The following GRM7 variants were observed in gnomAD, a reference collection of about 807,000 sequenced individuals.
GRM7 encodes metabotropic glutamate receptor 7.
Under a neutral mutation model 84.5 loss-of-function variants are expected in GRM7, and 35 were observed. The ratio of observed to expected loss-of-function variants is 0.41; its 90% CI spans 0.32 to 0.55. The LOEUF (loss-of-function observed/expected upper bound fraction) is 0.55. Ranked by LOEUF, GRM7 falls within the 20% of genes least tolerant of loss-of-function variation. The pLI, the probability that GRM7 is intolerant of heterozygous loss-of-function variation, is 0.19. For synonymous variants in GRM7, 487 were observed against 455.1 expected (o/e 1.07, Z -0.89); for missense variants, 1,003 against 1,194.6 (o/e 0.84, Z 2.36).
Position 7,680,038 on chromosome 3 carries a change from G to A in GRM7, c.2452-11G>A. ...TATTTGTAATAGTGCCTTGTGTGTT[G>A]TGTCTCCTAGCTCTACATACAAACT... On this transcript the variant is annotated splice_polypyrimidine_tract_variant and intron_variant, in intron 8 of 9. Transcript: ENST00000357716. The A allele has an allele frequency of 6.2e-7, 1 of 1,613,582 alleles. No individual in the cohort carries two copies. The highest frequency in any genetic ancestry group is 8.5e-7 in the Non-Finnish European group (1 of 1,179,604).
intron 8 of GRM7, chr3:7,591,506 T>C (rs1695780213): frequency 2.3e-6 from 1 of 441,764 alleles, no homozygotes; most frequent in African/African-American, 2.0e-5. Flanking sequence ...GAATAACTTT[T>C]CACCCAGTAG....
intron 1 of GRM7, among the ~76,000 whole-genome samples, chr3:7,042,793 T>A (rs977019470): frequency 4.6e-5 from 7 of 152,208 alleles, no homozygotes; most frequent in Non-Finnish European, 1.0e-4. Flanking sequence ...TCATTTCAAT[T>A]GATTTATTTT....
At chr3:7,004,350 G>C (rs1695113193) in intron 1 of GRM7, among the ~76,000 whole-genome samples, 1 of 152,070 alleles carries the variant, frequency 6.6e-6, no homozygotes, top group Non-Finnish European at 1.5e-5. Flanking sequence ...TACAAATGAG[G>C]TTTGGTGAAA....
intron 2 of GRM7, among the ~76,000 whole-genome samples, chr3:7,187,739 TG>T (rs1213481612): frequency 5.9e-5 from 9 of 152,168 alleles, no homozygotes; most frequent in African/African-American, 2.2e-4. Flanking sequence ...TTGGGGTCAT[TG>T]GGTCATTGAC....
chr3:6,981,789 A>G (rs1694216057), intron 1 of GRM7, among the ~76,000 whole-genome samples: 1 of 152,196 alleles, frequency 6.6e-6, no homozygotes, highest in Admixed American at 6.5e-5. Flanking sequence ...AGAACATCAA[A>G]AAAACAACAG....
At chr3:7,198,596 A>G (rs1358375509) in intron 2 of GRM7, among the ~76,000 whole-genome samples, 3 of 152,226 alleles carry the variant, frequency 2.0e-5, no homozygotes, top group African/African-American at 7.2e-5. Flanking sequence ...AGCCTAGCCT[A>G]TCTTAAACAT....
chr3:7,318,177 T>A (rs372637796), intron 4 of GRM7, among the ~76,000 whole-genome samples: 65 of 152,224 alleles, frequency 4.3e-4, no homozygotes, highest in African/African-American at 1.4e-3. Context: ...CTTTTTTCCT[T>A]TTTCAGGACA....
intron 1 of GRM7, among the ~76,000 whole-genome samples, chr3:6,945,876 T>G (rs1056976716): frequency 9.2e-5 from 14 of 152,250 alleles, no homozygotes; most frequent in African/African-American, 3.4e-4. Context: ...GAGAAGTGTC[T>G]GTTCATATCC....
chr3:7,229,765 T>A lies in GRM7; in HGVS notation c.737-68919T>A, dbSNP rs1423227130. Reference sequence around the variant, plus strand: ...TATATATATATATATATATATTTTTTTTTTTTTTTGGTTGACAGGTGTTGA... The same window carrying A: ...TATATATATATATATATATATTTTTATTTTTTTTTGGTTGACAGGTGTTGA... On this transcript the variant is annotated intron_variant, in intron 2 of 9. Coordinates refer to ENST00000357716, the MANE Select transcript of GRM7 (RefSeq NM_000844.4). Among the ~76,000 whole-genome samples the A allele has an allele frequency of 7.6e-3, 507 of 66,760 alleles. 2 individuals carry two copies. The highest frequency in any genetic ancestry group is 0.016 in the Middle Eastern group (2 of 124). 43.8% of individuals were successfully genotyped at this position (66,760 alleles called of 152,430 possible).
At chr3:7,450,090 G>A (rs1451611877) in intron 5 of GRM7, among the ~76,000 whole-genome samples, 1 of 146,842 alleles carries the variant, frequency 6.8e-6, no homozygotes, top group South Asian at 2.2e-4. Context: ...AATTTAAAAA[G>A]AGAAGAGAAT....
At chr3:7,603,215 C>A (rs1377563419) in intron 8 of GRM7, among the ~76,000 whole-genome samples, 1 of 151,898 alleles carries the variant, frequency 6.6e-6, no homozygotes, top group African/African-American at 2.4e-5. Context: ...AAGAGCTAGG[C>A]AAACATGGTG....
chr3:7,215,557 C>T (rs1042683797), intron 2 of GRM7, among the ~76,000 whole-genome samples: 2 of 151,676 alleles, frequency 1.3e-5, no homozygotes, highest in Admixed American at 6.6e-5. Context: ...CCCAGCTACT[C>T]GGGAGGCTGA....
intron 4 of GRM7, among the ~76,000 whole-genome samples, chr3:7,347,563 G>A (rs1190577710): frequency 6.6e-6 from 1 of 152,144 alleles, no homozygotes; most frequent in Non-Finnish European, 1.5e-5. Flanking sequence ...CAAACTCACT[G>A]ACGACCACAG....
At chr3:6,960,329 A>G (rs1370389016) in intron 1 of GRM7, among the ~76,000 whole-genome samples, 1 of 152,164 alleles carries the variant, frequency 6.6e-6, no homozygotes, top group Non-Finnish European at 1.5e-5. Flanking sequence ...TTTTCCAGCT[A>G]TGACATCACT....
intron 4 of GRM7, among the ~76,000 whole-genome samples, chr3:7,318,240 G>GT (rs145876133): frequency 0.013 from 2,040 of 152,058 alleles, 52 homozygotes; most frequent in African/African-American, 0.046. Flanking sequence ...GTTTTTATCT[G>GT]TTTTTACCAT....
intron 7 of GRM7, among the ~76,000 whole-genome samples, chr3:7,467,544 C>A (rs1698512329): frequency 6.6e-6 from 1 of 152,254 alleles, no homozygotes; most frequent in African/African-American, 2.4e-5. Flanking sequence ...TGTCTGCTGG[C>A]CAATCTGAGA....
chr3:6,972,115 T>C (rs148871410), intron 1 of GRM7, among the ~76,000 whole-genome samples: 156 of 152,292 alleles, frequency 1.0e-3, no homozygotes, highest in African/African-American at 3.5e-3. Context: ...CAGTTAAATA[T>C]GTAAAAAGGG....
intron 8 of GRM7, among the ~76,000 whole-genome samples, chr3:7,618,429 G>C (rs985028782): frequency 1.3e-5 from 2 of 152,074 alleles, no homozygotes; most frequent in Non-Finnish European, 2.9e-5. Context: ...TCAAAAATAT[G>C]AGCTTAAATG....
At chr3:7,460,192 A>G (rs192646537) in intron 6 of GRM7, among the ~76,000 whole-genome samples, 174 of 151,574 alleles carry the variant, frequency 1.1e-3, no homozygotes, top group Non-Finnish European at 1.9e-3. Flanking sequence ...CAACTAACTC[A>G]ACACAAGAAT....
Sources: gnomAD v4.1 joint callset for allele counts (sites outside exome capture counted in the v4.1 genomes callset) on GRCh38, gnomAD v4.1.1 for gene constraint, MANE v1.5 for transcripts, NCBI Gene and HGNC (gene_info 2026-07-23, HGNC 2026-07-21) for gene names.